The following FCRL4 variants were observed in gnomAD, a reference collection of about 807,000 sequenced individuals.
The protein encoded by FCRL4 is Fc receptor-like protein 4.
A neutral mutation model predicts 64.1 loss-of-function variants in FCRL4; 43 were observed. The observed-to-expected ratio is 0.67, with a 90% CI of 0.53 to 0.87. The LOEUF (loss-of-function observed/expected upper bound fraction) is 0.87, where lower values mean the gene tolerates loss of function less well. Ranked by LOEUF, FCRL4 falls within the 40% of genes least tolerant of loss-of-function variation. The pLI, the probability that FCRL4 is intolerant of heterozygous loss-of-function variation, is 0.00. For synonymous variants in FCRL4, 253 were observed against 239.8 expected, an observed-to-expected ratio of 1.05 and a Z score of -0.51; for missense variants, 656 against 613.5, an observed-to-expected ratio of 1.07 and a Z score of -0.73.
intron 6 of FCRL4, among the ~76,000 whole-genome samples, chr1:157,584,419 C>A (rs1409014409): frequency 6.6e-6 from 1 of 151,908 alleles, no homozygotes; most frequent in Non-Finnish European, 1.5e-5. Context: ...GCCTGTAGTC[C>A]CAGCTATTTG....
In FCRL4 at chr1:157,586,570, G is replaced by T. The variant is rs574659351; in HGVS notation, c.848-115C>A. ...TGACTTCAAGATATACTCTTCAGCA[G>T]GCACTAGCATTGTGGCCAATAGACC... is the stretch of plus-strand genomic sequence containing the variant. On this transcript the variant is annotated intron_variant, in intron 5 of 11. Transcript: ENST00000271532. 318 of 876,518 alleles carry T rather than the reference G, an allele frequency of 3.6e-4. 1 individual carries two copies. Among genetic ancestry groups the T allele is most frequent in the Non-Finnish European group, 5.1e-4 (295 of 574,998 alleles). The allele number at this position is 876,518 out of a possible 1,614,324, so 54.3% of individuals were successfully genotyped here.
chr1:157,587,230 A>C, intron 5 of FCRL4, 46 bp downstream of exon 5: 4 of 1,594,214 alleles, frequency 2.5e-6, no homozygotes, highest in Non-Finnish European at 3.4e-6. Context: ...ACAGAGCCCA[A>C]GGGGCAGAGA....
chr1:157,576,524 G>C (rs1012813490), intron 10 of FCRL4, among the ~76,000 whole-genome samples: 1 of 152,196 alleles, frequency 6.6e-6, no homozygotes, highest in South Asian at 2.1e-4. Flanking sequence ...AACAGGTGAA[G>C]AAACCATTCT....
intron 1 of FCRL4, among the ~76,000 whole-genome samples, chr1:157,597,046 A>G (rs182483861): frequency 2.0e-5 from 3 of 152,292 alleles, no homozygotes; most frequent in African/African-American, 7.2e-5. Context: ...TTATCCTGTA[A>G]CTATTTGTGT....
At chr1:157,595,965 C>T (rs528556519) in intron 2 of FCRL4, among the ~76,000 whole-genome samples, 2 of 152,338 alleles carry the variant, frequency 1.3e-5, no homozygotes, top group African/African-American at 4.8e-5. Context: ...GAGCCCCAGC[C>T]TCCCCCTCTG....
Position 157,578,779 on chromosome 1 carries a change from A to T in FCRL4, c.1351T>A (p.Tyr451Asn). Residue 451 changes from tyrosine (Y) to asparagine (N), a missense_variant, in exon 9 of 12, where the codon TAT becomes AAT. By Grantham distance (143) the Tyr-to-Asn change is moderately radical. Transcript: ENST00000271532. ...CPAQVELQSLYVDVHPKKGDL... is the reference protein window; with the variant it reads ...CPAQVELQSLNVDVHPKKGDL... ...AGAAGGGAATCCTCACCATCAACAT[A>T]CAACGACTGAAGCTCCACCTGGGCA... 1 of 1,613,928 alleles carries T rather than the reference A, an allele frequency of 6.2e-7. No homozygotes were observed. The highest frequency in any genetic ancestry group is 8.5e-7 in the Non-Finnish European group (1 of 1,179,838).
At position 157,580,361 on chromosome 1, in the gene FCRL4, GC is replaced by G; in HGVS notation, c.1250-14del. 1 of 1,614,082 alleles carries G rather than the reference GC, an allele frequency of 6.2e-7. No individual in the cohort carries two copies. Among genetic ancestry groups the G allele is most frequent in the South Asian group, 1.1e-5 (1 of 91,074 alleles). ...AAGAAACCAACTCCTGCAAAATAAA[GC>G]AAAGACGCATTTTTGTCAGCAGAGG... On this transcript the variant is annotated splice_polypyrimidine_tract_variant and intron_variant, in intron 7 of 11. Transcript: ENST00000271532.
At chr1:157,584,371 AT>A (rs1237536340) in intron 6 of FCRL4, among the ~76,000 whole-genome samples, 1 of 151,464 alleles carries the variant, frequency 6.6e-6, no homozygotes, top group Non-Finnish European at 1.5e-5. Flanking sequence ...TCTATGAAAA[AT>A]AAATTAAAAA....
intron 6 of FCRL4, among the ~76,000 whole-genome samples, chr1:157,583,327 A>G (rs750794718): frequency 9.2e-5 from 14 of 152,290 alleles, no homozygotes; most frequent in Admixed American, 5.2e-4. Flanking sequence ...GGACACCTCC[A>G]TAGGTTAAGC....
chr1:157,598,016 C>T lies in FCRL4; in HGVS notation c.-72G>A. On this transcript the variant is annotated 5_prime_UTR_variant, in exon 1 of 12. Transcript: ENST00000271532. The stretch of plus-strand genomic sequence containing the variant: ...AGGTCAGCCCAGATTGCCAAAGCAG[C>T]ACTTGCCTACACCAGCACCAGCAGT... The T allele has an allele frequency of 9.2e-7, 1 of 1,086,254 alleles. No individual in the cohort carries two copies. 67.3% of individuals were successfully genotyped at this position (1,086,254 alleles called of 1,614,324 possible).
At position 157,578,785 on chromosome 1, in the gene FCRL4, A is replaced by G. The variant is rs1047805605; in HGVS notation, c.1345T>C (p.Ser449Pro). 6.2e-7 allele frequency: 1 copy of G among 1,613,978 alleles called. No individual in the cohort carries two copies. The highest frequency in any genetic ancestry group is 8.5e-7 in the Non-Finnish European group (1 of 1,179,910). The stretch of plus-strand genomic sequence containing the variant: ...GAATCCTCACCATCAACATACAACG[A>G]CTGAAGCTCCACCTGGGCAGGGCAG... ...SICPAQVELQSLYVDVHPKKG... is the reference protein window; with the variant it reads ...SICPAQVELQPLYVDVHPKKG... The change falls in exon 9 of 12, where the codon TCG becomes CCG. Residue 449 changes from serine to proline, a missense_variant. By Grantham distance (74) the Ser-to-Pro change is moderately conservative. Coordinates refer to ENST00000271532, the MANE Select transcript of FCRL4 (RefSeq NM_031282.3).
Position 157,575,681 on chromosome 1 carries a change from T to C in FCRL4, c.1461+18A>G. The C allele has an allele frequency of 6.2e-7, 1 of 1,613,460 alleles. No homozygotes were observed. Among genetic ancestry groups the C allele is most frequent in the Non-Finnish European group, 8.5e-7 (1 of 1,179,490 alleles). ...GCAGGTAATGGTGGAGATAAAACTG[T>C]GGGGAAATGAAACTCACCTTATCCT... is the stretch of plus-strand genomic sequence containing the variant. On this transcript the variant is annotated intron_variant, in intron 11 of 11. Transcript: ENST00000271532.
At position 157,589,375 on chromosome 1, in the gene FCRL4, C is replaced by G; in HGVS notation, c.136G>C (p.Gly46Arg). Residue 46 changes from glycine (G) to arginine (R), a missense_variant, in exon 3 of 12, where the codon GGA becomes CGA. Transcript: ENST00000271532. ...KGERVTLTCNGFQFYATEKTT... is the reference protein window; with the variant it reads ...KGERVTLTCNRFQFYATEKTT... ...TTCTCTGTTGCATAGAACTGAAATCCATTGCAAGTCAGAGTCACTCTCTCT... is the reference window on the plus strand; with the variant it reads ...TTCTCTGTTGCATAGAACTGAAATCGATTGCAAGTCAGAGTCACTCTCTCT... The G allele has an allele frequency of 6.2e-7, 1 of 1,614,086 alleles. No individual in the cohort carries two copies. Among genetic ancestry groups the G allele is most frequent in the Non-Finnish European group, 8.5e-7 (1 of 1,180,010 alleles).
intron 5 of FCRL4, 73 bp from the exon 6 acceptor site, chr1:157,586,528 C>A (rs1558155725): frequency 1.3e-5 from 19 of 1,423,296 alleles, no homozygotes; most frequent in South Asian, 2.6e-5. Context: ...GGGTGTTGGG[C>A]AGGGTTACTT....
At chr1:157,595,125 C>G (rs1281732642) in intron 2 of FCRL4, among the ~76,000 whole-genome samples, 1 of 152,154 alleles carries the variant, frequency 6.6e-6, no homozygotes, top group Non-Finnish European at 1.5e-5. Flanking sequence ...GTCTTGAGCT[C>G]CTGACGTCAA....
chr1:157,589,795 T>A (rs1652797153), intron 2 of FCRL4, among the ~76,000 whole-genome samples: 1 of 151,498 alleles, frequency 6.6e-6, no homozygotes, highest in South Asian at 2.1e-4. Flanking sequence ...TCTCCTAGAC[T>A]CTCACCTGGG....
At chr1:157,582,908 G>A (rs115120186) in intron 6 of FCRL4, among the ~76,000 whole-genome samples, 50 of 152,294 alleles carry the variant, frequency 3.3e-4, no homozygotes, top group African/African-American at 1.0e-3. Context: ...GGCATCCGCC[G>A]GTGCAAAATC....
In FCRL4 at chr1:157,586,299, T is replaced by C; in HGVS notation, c.1004A>G (p.Lys335Arg). Residue 335 changes from lysine (K) to arginine (R), a missense_variant, in exon 6 of 12, where the codon AAA (lysine) becomes AGA (arginine). Transcript: ENST00000271532. ...REDMQESLGRKTQRSLRAELE... is the reference protein window; with the variant it reads ...REDMQESLGRRTQRSLRAELE... ...CTCTGCTCTCAGGGAACGCTGAGTTTTCCTCCCCAGACTCTCCTGCATGTC... is the reference window on the plus strand; with the variant it reads ...CTCTGCTCTCAGGGAACGCTGAGTTCTCCTCCCCAGACTCTCCTGCATGTC... 1 of 1,613,962 alleles carries C rather than the reference T, an allele frequency of 6.2e-7. No individual in the cohort carries two copies. Among genetic ancestry groups the C allele is most frequent in the Non-Finnish European group, 8.5e-7 (1 of 1,179,966 alleles).
Position 157,586,279 on chromosome 1 carries a change from C to T in FCRL4, c.1024G>A (p.Ala342Thr), listed in dbSNP as rs775014394. The T allele has an allele frequency of 6.2e-7, 1 of 1,614,120 alleles. No homozygotes were observed. Among genetic ancestry groups the T allele is most frequent in the South Asian group, 1.1e-5 (1 of 91,080 alleles). ...CTGATGGCAGGGAGCTCCAGCTCTG[C>T]TCTCAGGGAACGCTGAGTTTTCCTC... ...LGRKTQRSLR[A>T]ELELPAIRQS... The change falls in exon 6 of 12, where the codon GCA becomes ACA. Residue 342 changes from alanine to threonine, a missense_variant. Physicochemically the swap from Ala to Thr is moderately conservative, Grantham distance 58. Coordinates refer to ENST00000271532, the MANE Select transcript of FCRL4 (RefSeq NM_031282.3).
Sources: gnomAD v4.1 joint callset for allele counts (sites outside exome capture counted in the v4.1 genomes callset) on GRCh38, gnomAD v4.1.1 for gene constraint, MANE v1.5 for transcripts, NCBI Gene and HGNC (gene_info 2026-07-23, HGNC 2026-07-21) for gene names.